Variants in VWA8 observed in about 807,000 individuals in gnomAD.
VWA8 encodes the protein von Willebrand factor A domain containing 8, also known as von Willebrand factor A domain-containing protein 8.
Under a neutral mutation model 241.5 loss-of-function variants are expected in VWA8, and 221 were observed. The observed-to-expected ratio is 0.91, with a 90% CI of 0.82 to 1.02. VWA8 has a LOEUF of 1.02. Ranked by LOEUF, VWA8 falls within the 50% of genes least tolerant of loss-of-function variation. The probability of loss-of-function intolerance (pLI) is 0.00; values close to 1 mark genes in which losing one functional copy is unlikely to be tolerated. For synonymous variants in VWA8, 852 were observed against 827.1 expected (o/e 1.03, Z -0.52); for missense variants, 2,322 against 2,328.7 (o/e 1.00, Z 0.06).
intron 4 of VWA8, among the ~76,000 whole-genome samples, chr13:41,898,692 G>A (rs1875264690): frequency 6.6e-6 from 1 of 152,234 alleles, no homozygotes; most frequent in South Asian, 2.1e-4. Context: ...GAAGGCTCAG[G>A]CATGGCGGGC....
chr13:41,897,669 T>C (rs910051997), intron 4 of VWA8, among the ~76,000 whole-genome samples: 15 of 151,648 alleles, frequency 9.9e-5, no homozygotes, highest in South Asian at 6.2e-4. Flanking sequence ...GCGTCTGGAG[T>C]TGTTTGTTCC....
At chr13:41,609,547 T>C (rs1324786535) in intron 39 of VWA8, among the ~76,000 whole-genome samples, 1 of 152,176 alleles carries the variant, frequency 6.6e-6, no homozygotes, top group African/African-American at 2.4e-5. Flanking sequence ...GCATTCATTA[T>C]ATGTTCCTCT....
In VWA8 at chr13:41,960,859, C is replaced by A; in HGVS notation, c.157G>T (p.Asp53Tyr). Residue 53 changes from aspartate (D) to tyrosine (Y), a missense_variant, in exon 1 of 45, where the codon GAC becomes TAC. Transcript: ENST00000379310. ...GGGGCGCACCCCGAGTTACCTGTGT[C>A]GGCCCCCGAGCCGGCGTGCAACAGT... Reference protein sequence around the residue: ...VRLLHAGSGADTGDTVNIGDV... With the variant: ...VRLLHAGSGAYTGDTVNIGDV... The A allele has an allele frequency of 6.6e-7, 1 of 1,517,734 alleles. No individual in the cohort carries two copies. Among genetic ancestry groups the A allele is most frequent in the South Asian group, 1.2e-5 (1 of 83,234 alleles). 94.0% of individuals were successfully genotyped at this position (1,517,734 alleles called of 1,614,324 possible).
chr13:41,889,681 T>C (rs1446430715), intron 5 of VWA8, among the ~76,000 whole-genome samples: 1 of 152,160 alleles, frequency 6.6e-6, no homozygotes, highest in African/African-American at 2.4e-5. Flanking sequence ...ACCCAGCCAC[T>C]AAACCTCTTT....
intron 17 of VWA8, among the ~76,000 whole-genome samples, chr13:41,794,115 T>C (rs952687500): frequency 2.2e-4 from 33 of 152,096 alleles, no homozygotes; most frequent in African/African-American, 8.0e-4. Flanking sequence ...GTCTTGGCTA[T>C]ACAGGCTCTT....
At chr13:41,582,791 A>ATC (rs1469136138) in intron 42 of VWA8, among the ~76,000 whole-genome samples, 1 of 152,208 alleles carries the variant, frequency 6.6e-6, no homozygotes, top group Non-Finnish European at 1.5e-5. Context: ...TGCATCAAAT[A>ATC]TCTCTGAGAA....
At chr13:41,701,354 G>T (rs775349508) in intron 28 of VWA8, 38 bp downstream of exon 28, 2 of 1,499,054 alleles carry the variant, frequency 1.3e-6, no homozygotes. Flanking sequence ...AAAAAAACAT[G>T]TGCAGGAAGG....
intron 4 of VWA8, among the ~76,000 whole-genome samples, chr13:41,898,380 CTAGA>C (rs1418380313): frequency 6.7e-6 from 1 of 149,396 alleles, no homozygotes; most frequent in Non-Finnish European, 1.5e-5. Context: ...ACCAGAGCAG[CTAGA>C]TACAGAGTGT....
At position 41,734,804 on chromosome 13, in the gene VWA8, T is replaced by C. The variant is rs555651460; in HGVS notation, c.2427-2649A>G. ...TTTACAAAGAATCTAATTTTGTTTA[T>C]CTTCTCTAAAAAACAAATTAAATTG... On this transcript the variant is annotated intron_variant, in intron 21 of 44. Transcript: ENST00000379310. Among the ~76,000 whole-genome samples, 11 of 152,332 alleles carry C rather than the reference T, an allele frequency of 7.2e-5. 1 individual carries two copies. The Middle Eastern group carries it at 0.017, about 236-fold the overall frequency.
At chr13:41,711,526 T>TTA (rs1374082636) in intron 26 of VWA8, among the ~76,000 whole-genome samples, 1 of 152,184 alleles carries the variant, frequency 6.6e-6, no homozygotes, top group Non-Finnish European at 1.5e-5. Context: ...GTTAAAGTGA[T>TTA]TATATTAATG....
Position 41,656,463 on chromosome 13 carries a change from C to A in VWA8, c.4611+14483G>T, listed in dbSNP as rs34623667. On this transcript the variant is annotated intron_variant, in intron 37 of 44. Coordinates refer to ENST00000379310, the MANE Select transcript of VWA8 (RefSeq NM_015058.2). Reference sequence around the variant, plus strand: ...TTCTTGGGGGGTAAGGGGATTCCCACTGTTATGCTACCAGAACACTGTCAA... The same window carrying A: ...TTCTTGGGGGGTAAGGGGATTCCCAATGTTATGCTACCAGAACACTGTCAA... Among the ~76,000 whole-genome samples, 567 of 152,270 alleles carry A rather than the reference C, an allele frequency of 3.7e-3. 1 individual carries two copies. Among genetic ancestry groups the A allele is most frequent in the South Asian group, 0.015 (74 of 4,822 alleles).
chr13:41,825,559 C>A (rs978764266), intron 14 of VWA8, among the ~76,000 whole-genome samples: 1 of 152,018 alleles, frequency 6.6e-6, no homozygotes, highest in African/African-American at 2.4e-5. Flanking sequence ...GCAAGTGATA[C>A]CCCCCGAGCA....
In VWA8 at chr13:41,611,696, C is replaced by T. The variant is rs1364854976; in HGVS notation, c.4757G>A (p.Gly1586Asp). 1.7e-5 allele frequency: 28 copies of T among 1,614,024 alleles called. No homozygotes were observed. The highest frequency in any genetic ancestry group is 2.4e-5 in the Non-Finnish European group (28 of 1,179,948). Residue 1586 changes from glycine (G) to aspartate (D), a missense_variant, in exon 39 of 45, where the codon GGC (glycine) becomes GAC (aspartate). Gly to Asp is a moderately conservative substitution (Grantham distance 94). Transcript: ENST00000379310. ...ATGGCCTGCATCCAGCCGGTAAGGG[C>T]CTCCTTTGCCACCCAGGCCTGCCGT... ...RDTAGLGGKG[G>D]PYRLDAGHTV...
Position 41,745,718 on chromosome 13 carries a change from G to A in VWA8, c.2427-13563C>T, listed in dbSNP as rs147585877. Reference sequence around the variant, plus strand: ...AAAAGTCAGTAAACAACAGGTGCTGGAGAGCATGTGGAGAAATAGGAACAC... The same window carrying A: ...AAAAGTCAGTAAACAACAGGTGCTGAAGAGCATGTGGAGAAATAGGAACAC... On this transcript the variant is annotated intron_variant, in intron 21 of 44. Coordinates refer to ENST00000379310, the MANE Select transcript of VWA8 (RefSeq NM_015058.2). 6.2e-3 allele frequency among the ~76,000 whole-genome samples: 945 copies of A among 152,304 alleles called. 10 individuals are homozygous for A. Among genetic ancestry groups the A allele is most frequent in the African/African-American group, 0.02 (839 of 41,556 alleles).
chr13:41,620,565 G>T (rs1431169198), intron 37 of VWA8, among the ~76,000 whole-genome samples: 2 of 151,954 alleles, frequency 1.3e-5, no homozygotes, highest in African/African-American at 2.4e-5. Context: ...TGTTTTTAGG[G>T]TGTTGATTTT....
intron 21 of VWA8, among the ~76,000 whole-genome samples, chr13:41,758,725 A>T (rs2045718100): frequency 6.6e-6 from 1 of 150,954 alleles, no homozygotes; most frequent in South Asian, 2.1e-4. Flanking sequence ...TAATATGAGT[A>T]GTTAATATTC....
chr13:41,743,414 G>C (rs1345028798), intron 21 of VWA8, among the ~76,000 whole-genome samples: 1 of 152,184 alleles, frequency 6.6e-6, no homozygotes, highest in Non-Finnish European at 1.5e-5. Flanking sequence ...GTTGGCTGTA[G>C]TCCTATTCCA....
chr13:41,575,248 T>C (rs1222371660), intron 43 of VWA8, among the ~76,000 whole-genome samples: 1 of 151,980 alleles, frequency 6.6e-6, no homozygotes, highest in Non-Finnish European at 1.5e-5. Flanking sequence ...TAATGGACTT[T>C]GGGGACTAAG....
intron 17 of VWA8, among the ~76,000 whole-genome samples, chr13:41,798,788 A>G (rs1869819701): frequency 6.6e-6 from 1 of 152,018 alleles, no homozygotes; most frequent in Admixed American, 6.6e-5. Context: ...GGATTTTCTT[A>G]TCTTATTCTA....
Sources: gnomAD v4.1 joint callset for allele counts (sites outside exome capture counted in the v4.1 genomes callset) on GRCh38, gnomAD v4.1.1 for gene constraint, MANE v1.5 for transcripts, NCBI Gene and HGNC (gene_info 2026-07-23, HGNC 2026-07-21) for gene names.